Variants in NCOA6 observed in about 807,000 individuals in gnomAD.
NCOA6 encodes the protein NRC RAP250.
A neutral mutation model predicts 171.4 loss-of-function variants in NCOA6; 49 were observed. That is an observed-to-expected ratio of 0.29 (90% CI 0.23 to 0.36). NCOA6 has a LOEUF of 0.36. NCOA6 is among the 10% of genes least tolerant of loss of function. The pLI, the probability that NCOA6 is intolerant of heterozygous loss-of-function variation, is 1.00. For missense variants in NCOA6, 2,248 were observed against 2,554.5 expected (o/e 0.88, Z 2.59); for synonymous variants, 910 against 927.5 (o/e 0.98, Z 0.34).
rs760101127 is a variant in NCOA6, at chr20:34,749,973, G to A, written c.2222C>T (p.Ala741Val). 5 of 1,614,182 alleles carry A rather than the reference G, an allele frequency of 3.1e-6. No homozygotes were observed. Among genetic ancestry groups the A allele is most frequent in the Non-Finnish European group, 4.2e-6 (5 of 1,180,014 alleles). The change falls in exon 9 of 15, where the codon GCC becomes GTC. Residue 741 changes from alanine to valine, a missense_variant. Ala to Val is a moderately conservative substitution (Grantham distance 64, BLOSUM62 0). Transcript: ENST00000359003. ...QNQSNVMPGP[A>V]QIMRGPTPNM... The stretch of plus-strand genomic sequence containing the variant: ...TGGAGTTGGTCCCCTCATTATCTGG[G>A]CTGGTCCCGGCATGACATTGGACTG...
At chr20:34,766,101 A>G (rs1179743578) in intron 5 of NCOA6, among the ~76,000 whole-genome samples, 1 of 152,238 alleles carries the variant, frequency 6.6e-6, no homozygotes, top group East Asian at 1.9e-4. Flanking sequence ...TTCAAGTCTC[A>G]ATAGACAACA....
In NCOA6 at chr20:34,715,187, T is replaced by C; in HGVS notation, c.*135A>G. 7 of 1,141,680 alleles carry C rather than the reference T, an allele frequency of 6.1e-6. No individual in the cohort carries two copies. The highest frequency in any genetic ancestry group is 9.0e-6 in the Non-Finnish European group (7 of 780,750). 70.7% of individuals were successfully genotyped at this position (1,141,680 alleles called of 1,614,324 possible). The stretch of plus-strand genomic sequence containing the variant: ...CCCCATTGCACTTTATGAAACAGGT[T>C]GCAGGGACTAGGAAAAGGGCCACAT... On this transcript the variant is annotated 3_prime_UTR_variant, in exon 15 of 15. Transcript: ENST00000359003.
chr20:34,750,176 C>T lies in NCOA6; in HGVS notation c.2019G>A (p.Ser673=), dbSNP rs1201644744. Residue 673 remains serine, a synonymous_variant, in exon 9 of 15, where the codon TCG becomes TCA. Coordinates refer to ENST00000359003, the MANE Select transcript of NCOA6 (RefSeq NM_014071.5). The part of the protein sequence containing the change: ...VNPPSQNLGP[S]PQRMTPPKQM... ...GCTTGGGTGGGGTCATCCTTTGGGG[C>T]GAGGGCCCAAGATTTTGGCTCGGGG... 11 of 1,611,504 alleles carry T rather than the reference C, an allele frequency of 6.8e-6. No homozygotes were observed. The Admixed American group carries it at 8.4e-5, about 12-fold the overall frequency.
intron 1 of NCOA6, among the ~76,000 whole-genome samples, chr20:34,793,025 C>T (rs2077944381): frequency 6.6e-6 from 1 of 151,938 alleles, no homozygotes; most frequent in South Asian, 2.1e-4. Context: ...TCAAGCGATC[C>T]ACCCGCCTGA....
chr20:34,811,396 G>A (rs916386905), intron 1 of NCOA6, among the ~76,000 whole-genome samples: 1 of 151,524 alleles, frequency 6.6e-6, no homozygotes, highest in African/African-American at 2.4e-5. Context: ...TTGTCTAGGT[G>A]CAACAACCTC....
rs1440187051 is a variant in NCOA6 at position 34,740,710 on chromosome 20, T to C, written c.5546A>G (p.Asp1849Gly). The stretch of plus-strand genomic sequence containing the variant: ...TAGCCCTTGGCCTTCAGTCTCTCCA[T>C]CTGCACCATATTGTTCTTCCCCTTT... Reference protein sequence around the residue: ...LEKGEEQYGADGETEGQGLDT... With the variant: ...LEKGEEQYGAGGETEGQGLDT... The change falls in exon 11 of 15, where the codon GAT (aspartate) becomes GGT (glycine). Residue 1849 changes from aspartate (D) to glycine (G), a missense_variant. Transcript: ENST00000359003. The C allele has an allele frequency of 6.2e-7, 1 of 1,614,134 alleles. No individual in the cohort carries two copies. The highest frequency in any genetic ancestry group is 8.5e-7 in the Non-Finnish European group (1 of 1,180,044).
chr20:34,804,205 C>T (rs1292935279), intron 1 of NCOA6, among the ~76,000 whole-genome samples: 1 of 151,734 alleles, frequency 6.6e-6, no homozygotes, highest in East Asian at 1.9e-4. Context: ...GGCGTGGTGA[C>T]AGGTGCCTGT....
chr20:34,740,945 C>T lies in NCOA6; in HGVS notation c.5311G>A (p.Ala1771Thr), dbSNP rs1220668877. ...QQVKELNPDE[A>T]SPQVNTSADQ... ...GCTGAGGTGTTCACCTGAGGGCTAGCCTCATCTGGATTCAATTCTTTCACT... is the reference window on the plus strand; with the variant it reads ...GCTGAGGTGTTCACCTGAGGGCTAGTCTCATCTGGATTCAATTCTTTCACT... Residue 1771 changes from alanine (A) to threonine (T), a missense_variant, in exon 11 of 15, where the codon GCT (alanine) becomes ACT (threonine). By Grantham distance (58) the Ala-to-Thr change is moderately conservative. Coordinates refer to ENST00000359003, the MANE Select transcript of NCOA6 (RefSeq NM_014071.5). 1.9e-6 allele frequency: 3 copies of T among 1,614,050 alleles called. No homozygotes were observed. The highest frequency in any genetic ancestry group is 2.5e-6 in the Non-Finnish European group (3 of 1,180,052).
intron 1 of NCOA6, among the ~76,000 whole-genome samples, chr20:34,793,021 G>A (rs775840685): frequency 6.6e-6 from 1 of 151,846 alleles, no homozygotes; most frequent in Middle Eastern, 3.2e-3. Flanking sequence ...GGGCTCAAGC[G>A]ATCCACCCGC....
rs1180651577 is a variant in NCOA6 at position 34,817,177 on chromosome 20, ACTACGG to A, written c.-164+8289_-164+8294del. 8.8e-4 allele frequency among the ~76,000 whole-genome samples: 104 copies of A among 118,446 alleles called. 31 individuals carry two copies. Among genetic ancestry groups the A allele is most frequent in the Non-Finnish European group, 1.4e-3 (74 of 51,486 alleles). The allele number at this position is 118,446 out of a possible 152,430, so 77.7% of individuals were successfully genotyped here. A position where few individuals can be genotyped will look rare whatever the true frequency, so the allele number is the denominator to read the frequency against. On this transcript the variant is annotated intron_variant, in intron 1 of 14. Transcript: ENST00000359003. Reference sequence around the variant, plus strand: ...CAAAAGAAAATGTATATAAATGGGTACTACGGAACTGATATTCAACAGATTCAATAT... The same window carrying A: ...CAAAAGAAAATGTATATAAATGGGTAAACTGATATTCAACAGATTCAATAT...
chr20:34,755,324 T>G (rs1445140404), intron 7 of NCOA6, among the ~76,000 whole-genome samples: 1 of 152,226 alleles, frequency 6.6e-6, no homozygotes, highest in African/African-American at 2.4e-5. Context: ...AAGGATAGAT[T>G]GATTATTTTT....
In NCOA6 at chr20:34,757,700, G is replaced by T; in HGVS notation, c.1048C>A (p.Pro350Thr). 6.2e-7 allele frequency: 1 copy of T among 1,614,144 alleles called. No individual in the cohort carries two copies. The highest frequency in any genetic ancestry group is 8.5e-7 in the Non-Finnish European group (1 of 1,180,026). ...TGGAGTTGCTGTTGCATTGGGCCGG[G>T]CAAGGGAGCCTTCTTCCACCCTTGG... ...ANQGWKKAPL[P>T]GPMQQQLQAR... Residue 350 changes from proline (P) to threonine (T), a missense_variant, in exon 7 of 15, where the codon CCC (proline) becomes ACC (threonine). Pro to Thr is a conservative substitution (Grantham distance 38). This residue lies in a region of NCOA6 where 987 missense variants were observed against 1,104.7 expected (regional missense o/e 0.89). Transcript: ENST00000359003.
intron 5 of NCOA6, among the ~76,000 whole-genome samples, chr20:34,766,496 T>C (rs1017881010): frequency 3.3e-5 from 5 of 151,994 alleles, no homozygotes; most frequent in Admixed American, 6.6e-5. Context: ...GGTGTGGTAG[T>C]GCACGCCTGT....
chr20:34,721,253 A>AC (rs1989292241), intron 14 of NCOA6, among the ~76,000 whole-genome samples: 2 of 150,122 alleles, frequency 1.3e-5, no homozygotes, highest in African/African-American at 4.9e-5. Context: ...AAAAAAAAAA[A>AC]AAAAAAAAAA....
chr20:34,733,470 A>G (rs772329892), intron 12 of NCOA6, among the ~76,000 whole-genome samples: 1 of 152,190 alleles, frequency 6.6e-6, no homozygotes, highest in Non-Finnish European at 1.5e-5. Context: ...TTTGACTTCA[A>G]TGCTTATTAG....
At chr20:34,802,540 GCAGTGAGC>G (rs1308173161) in intron 1 of NCOA6, among the ~76,000 whole-genome samples, 2 of 152,156 alleles carry the variant, frequency 1.3e-5, no homozygotes, top group African/African-American at 4.8e-5. Context: ...GTCGGAAGTT[GCAGTGAGC>G]CGAGATTGCA....
In NCOA6 at chr20:34,745,120, G is replaced by C. The variant is rs150966775; in HGVS notation, c.2914+1687C>G. Among the ~76,000 whole-genome samples the C allele has an allele frequency of 7.1e-4, 108 of 152,290 alleles. No individual in the cohort carries two copies. In the East Asian group the frequency reaches 0.019, roughly 27 times the overall value. ...ATCACAAACTGAATTTATTACTCAG[G>C]GAATGCAAACTCCTATGCCTTTAGG... is the stretch of plus-strand genomic sequence containing the variant. On this transcript the variant is annotated intron_variant, in intron 10 of 14. Transcript: ENST00000359003.
chr20:34,722,701 AAAT>A lies in NCOA6; in HGVS notation c.6148+4555_6148+4557del, dbSNP rs1989520108. Among the ~76,000 whole-genome samples, 8 of 151,524 alleles carry A rather than the reference AAAT, an allele frequency of 5.3e-5. 1 individual carries two copies. Among genetic ancestry groups the A allele is most frequent in the Admixed American group, 6.6e-5 (1 of 15,214 alleles). On this transcript the variant is annotated intron_variant, in intron 14 of 14. Transcript: ENST00000359003. ...TCTCAAATGAAAAAAAAAAAAAAAA[AAAT>A]GCCAAGCACAGTGGCTCACACCAGT...
chr20:34,815,299 C>A (rs562172374), intron 1 of NCOA6, among the ~76,000 whole-genome samples: 2 of 151,882 alleles, frequency 1.3e-5, no homozygotes, highest in Non-Finnish European at 2.9e-5. Context: ...ATCGCTTGAG[C>A]CTGGGAGGTT....
Sources: gnomAD v4.1 joint callset for allele counts (sites outside exome capture counted in the v4.1 genomes callset) on GRCh38, gnomAD v4.1.1 for gene constraint, gnomAD v4.1.1 regional missense constraint, MANE v1.5 for transcripts, NCBI Gene and HGNC (gene_info 2026-07-23, HGNC 2026-07-21) for gene names.